Variants in HMG20A observed in about 807,000 individuals in gnomAD.
The protein encoded by HMG20A is high mobility group 20A.
HMG20A carries 17 observed loss-of-function variants against 43.9 expected under a neutral mutation model. The observed-to-expected ratio is 0.39, with a 90% CI of 0.27 to 0.58. HMG20A has a LOEUF of 0.58. Among genes scored for constraint, HMG20A ranks in the 20% least tolerant of loss-of-function variants. The probability of loss-of-function intolerance (pLI) is 0.59; values close to 1 mark genes in which losing one functional copy is unlikely to be tolerated. For missense variants in HMG20A, 341 were observed against 438.2 expected, an observed-to-expected ratio of 0.78 and a Z score of 1.98; for synonymous variants, 132 against 147.5, an observed-to-expected ratio of 0.89 and a Z score of 0.76.
At chr15:77,495,520 G>A in the HMG20A span, among the ~76,000 whole-genome samples, 1 of 152,190 alleles carries the variant, frequency 6.6e-6, no homozygotes. Flanking sequence ...TTGCACTCCA[G>A]CCTGGGCATC....
chr15:77,509,297 C>T, the HMG20A span, among the ~76,000 whole-genome samples: 20 of 152,040 alleles, frequency 1.3e-4, no homozygotes, highest in Non-Finnish European at 2.8e-4. Context: ...CTCGCTCCGT[C>T]ACTCAGGCTG....
At chr15:77,447,442 T>C (rs1323994150) in intron 1 of HMG20A, among the ~76,000 whole-genome samples, 1 of 152,202 alleles carries the variant, frequency 6.6e-6, no homozygotes, top group Admixed American at 6.5e-5. Flanking sequence ...TCCGTCCTAA[T>C]ATTGACAGTT....
At chr15:77,458,098 A>G in intron 1 of HMG20A, 1 of 228,132 alleles carries the variant, frequency 4.4e-6, no homozygotes, top group Non-Finnish European at 8.7e-6. Flanking sequence ...CCTGCTTAAC[A>G]ATTTCTACAG....
At chr15:77,503,593 A>G in the HMG20A span, among the ~76,000 whole-genome samples, 1 of 152,178 alleles carries the variant, frequency 6.6e-6, no homozygotes, top group African/African-American at 2.4e-5. Flanking sequence ...GAGGCATTAT[A>G]TTCCCACTTG....
intron 1 of HMG20A, among the ~76,000 whole-genome samples, chr15:77,438,166 A>C (rs986452164): frequency 7.3e-6 from 1 of 136,956 alleles, no homozygotes; most frequent in African/African-American, 2.8e-5. Context: ...TTTTTTAGAG[A>C]CAGGATCTGG....
chr15:77,448,474 A>C (rs558641121), intron 1 of HMG20A, among the ~76,000 whole-genome samples: 1 of 152,200 alleles, frequency 6.6e-6, no homozygotes, highest in Non-Finnish European at 1.5e-5. Context: ...AGATTACCTC[A>C]GTGAAGCCTT....
the HMG20A span, among the ~76,000 whole-genome samples, chr15:77,504,967 C>G: frequency 6.6e-6 from 1 of 152,194 alleles, no homozygotes; most frequent in East Asian, 1.9e-4. Context: ...TTGGGGGTGC[C>G]TGGCACAGTG....
At chr15:77,435,759 T>A (rs1296101672) in intron 1 of HMG20A, among the ~76,000 whole-genome samples, 1 of 151,994 alleles carries the variant, frequency 6.6e-6, no homozygotes, top group Non-Finnish European at 1.5e-5. Context: ...ACTTCCATGT[T>A]GTCAAAAAAC....
At chr15:77,491,101 T>G in the HMG20A span, among the ~76,000 whole-genome samples, 28 of 152,388 alleles carry the variant, frequency 1.8e-4, no homozygotes, top group African/African-American at 5.5e-4. Context: ...CTGAATGTTC[T>G]AGGATATAAA....
At chr15:77,503,882 C>A in the HMG20A span, among the ~76,000 whole-genome samples, 1,793 of 152,222 alleles carry the variant, frequency 0.012, 48 homozygotes, top group African/African-American at 0.041. Flanking sequence ...CTTTGAATAG[C>A]GAGGTAGTGC....
intron 2 of HMG20A, among the ~76,000 whole-genome samples, chr15:77,462,934 G>A (rs2072719075): frequency 6.6e-6 from 1 of 151,942 alleles, no homozygotes; most frequent in Non-Finnish European, 1.5e-5. Flanking sequence ...ATCATGGCCA[G>A]CTAATTTTTT....
chr15:77,517,747 G>A, the HMG20A span, among the ~76,000 whole-genome samples: 1 of 151,882 alleles, frequency 6.6e-6, no homozygotes, highest in Admixed American at 6.6e-5. Context: ...ATGTCATGGG[G>A]CAAATGGGCA....
intron 1 of HMG20A, among the ~76,000 whole-genome samples, chr15:77,428,501 A>G (rs1299410533): frequency 1.3e-5 from 2 of 152,282 alleles, no homozygotes; most frequent in Non-Finnish European, 2.9e-5. Context: ...TATCAGCAAA[A>G]AAGGAGAGAT....
the HMG20A span, among the ~76,000 whole-genome samples, chr15:77,508,260 G>A: frequency 6.6e-6 from 1 of 152,026 alleles, no homozygotes; most frequent in African/African-American, 2.4e-5. Flanking sequence ...GCCCCTTCCC[G>A]CCTACTCAGC....
At chr15:77,441,060 A>G (rs552276997) in intron 1 of HMG20A, among the ~76,000 whole-genome samples, 9 of 152,302 alleles carry the variant, frequency 5.9e-5, no homozygotes, top group Admixed American at 6.5e-5. Context: ...GGCTCTTACT[A>G]TATGATGACA....
downstream of HMG20A, among the ~76,000 whole-genome samples, chr15:77,489,863 GGCAATA>G (rs1316450636): frequency 1.3e-5 from 2 of 152,244 alleles, no homozygotes; most frequent in Admixed American, 6.5e-5. Flanking sequence ...TTGCAAGGCA[GGCAATA>G]GCAAGATCAT....
rs145957543 is a variant in HMG20A at position 77,442,938 on chromosome 15, A to G, written c.-4-15466A>G. 6.5e-3 allele frequency among the ~76,000 whole-genome samples: 986 copies of G among 152,280 alleles called. 6 individuals carry two copies. Among genetic ancestry groups the G allele is most frequent in the Non-Finnish European group, 9.8e-3 (667 of 68,010 alleles). On this transcript the variant is annotated intron_variant, in intron 1 of 9. Transcript: ENST00000336216. ...GCACTTTTCCTCTTTCTTTAAAGTA[A>G]CAAAACCATACTGCTGAAGGTTGAG...
At chr15:77,460,981 T>G (rs1367254339) in intron 2 of HMG20A, among the ~76,000 whole-genome samples, 1 of 150,600 alleles carries the variant, frequency 6.6e-6, no homozygotes, top group Non-Finnish European at 1.5e-5. Flanking sequence ...GCAAGCTCCA[T>G]CTCAAAAAAA....
chr15:77,428,117 G>A (rs1042167941), intron 1 of HMG20A, among the ~76,000 whole-genome samples: 1 of 152,212 alleles, frequency 6.6e-6, no homozygotes, highest in African/African-American at 2.4e-5. Context: ...TAGCAGAGAT[G>A]TTGTTTGTTG....
Sources: gnomAD v4.1 joint callset for allele counts (sites outside exome capture counted in the v4.1 genomes callset) on GRCh38, gnomAD v4.1.1 for gene constraint, MANE v1.5 for transcripts, NCBI Gene and HGNC (gene_info 2026-07-23, HGNC 2026-07-21) for gene names.